Variants in HMG20B observed in about 807,000 individuals in gnomAD.
HMG20B encodes SWI/SNF-related matrix-associated actin-dependent regulator of chromatin subfamily E member 1-related.
HMG20B carries 24 observed loss-of-function variants against 41.6 expected under a neutral mutation model. That is an observed-to-expected ratio of 0.58 (90% CI 0.42 to 0.81). The LOEUF is 0.81. HMG20B is among the 30% of genes least tolerant of loss of function. The pLI is 0.00. For synonymous variants in HMG20B, 251 were observed against 186.6 expected (o/e 1.34, Z -2.81); for missense variants, 461 against 444.0 (o/e 1.04, Z -0.34).
intron 4 of HMG20B, 98 bp downstream of exon 4, chr19:3,574,684 T>A: frequency 8.5e-7 from 1 of 1,171,974 alleles, no homozygotes; most frequent in Non-Finnish European, 1.2e-6. Flanking sequence ...GGTTTTTCCT[T>A]CTTCCTGGAG....
intron 8 of HMG20B, 147 bp downstream of exon 8, chr19:3,577,254 G>A: frequency 1.7e-6 from 1 of 604,774 alleles, no homozygotes; most frequent in Non-Finnish European, 2.8e-6. Context: ...CCCGCCTATC[G>A]CCCCGCCCTC....
rs1238096984 is a variant in HMG20B at position 3,574,667 on chromosome 19, C to T, written c.351+81C>T. Reference sequence around the variant, plus strand: ...TAGCCCCGACCCCCAAAGGATTCCACGTGCAGGGTTTTTCCTTCTTCCTGG... The same window carrying T: ...TAGCCCCGACCCCCAAAGGATTCCATGTGCAGGGTTTTTCCTTCTTCCTGG... On this transcript the variant is annotated intron_variant, in intron 4 of 9. Coordinates refer to ENST00000333651, the MANE Select transcript of HMG20B (RefSeq NM_006339.3). 40 of 1,272,706 alleles carry T rather than the reference C, an allele frequency of 3.1e-5. No individual in the cohort carries two copies. The Admixed American group carries it at 7.3e-4, about 23-fold the overall frequency. The allele number at this position is 1,272,706 out of a possible 1,614,324, so 78.8% of individuals were successfully genotyped here.
At chr19:3,578,264 T>C (rs2032216991) in intron 9 of HMG20B, 151 bp downstream of exon 9, 1 of 1,212,588 alleles carries the variant, frequency 8.2e-7, no homozygotes, top group Non-Finnish European at 1.1e-6. Context: ...TCGCCCCTGA[T>C]GCACCAGTGC....
rs769089578 is a variant in HMG20B at position 3,578,705 on chromosome 19, C to T, written c.*184C>T. On this transcript the variant is annotated 3_prime_UTR_variant, in exon 10 of 10. Transcript: ENST00000333651. ...CTTTAGCTTTCAATCTCCCCAGCCC[C>T]CTGAACCCGGAAAAAGCACTCGCTG... 8.1e-6 allele frequency: 7 copies of T among 860,626 alleles called. No individual in the cohort carries two copies. Among genetic ancestry groups the T allele is most frequent in the Middle Eastern group, 2.1e-4 (1 of 4,702 alleles). 53.3% of individuals were successfully genotyped at this position (860,626 alleles called of 1,614,324 possible).
chr19:3,573,949 C>T (rs1380073302), intron 3 of HMG20B, 149 bp downstream of exon 3: 3 of 775,826 alleles, frequency 3.9e-6, no homozygotes, highest in African/African-American at 1.7e-5. Context: ...CCAGCTGCCA[C>T]GCCCCTGACA....
rs772065582 is a variant in HMG20B, at chr19:3,574,499, C to G, written c.264C>G (p.Ile88Met). 4 of 1,606,700 alleles carry G rather than the reference C, an allele frequency of 2.5e-6. No homozygotes were observed. The highest frequency in any genetic ancestry group is 2.2e-5 in the South Asian group (2 of 90,094). Residue 88 changes from isoleucine (I) to methionine (M), a missense_variant, in exon 4 of 10, where the codon ATC (isoleucine) becomes ATG (methionine). Around this residue, in one of 3 missense-constraint regions of HMG20B, gnomAD observed 49 missense variants for 84.1 expected, o/e 0.58. Coordinates refer to ENST00000333651, the MANE Select transcript of HMG20B (RefSeq NM_006339.3). ...VRFLNERREQ[I>M]RTRHPDLPFP... is the part of the protein sequence containing the mutation. The stretch of plus-strand genomic sequence containing the variant: ...TCCTGAACGAGCGGCGCGAGCAGAT[C>G]CGCACGCGCCACCCGGATCTGCCCT...
chr19:3,576,292 C>G lies in HMG20B; in HGVS notation c.504C>G (p.Leu168=). The part of the protein sequence containing the change: ...EDSSSGLMNT[L]LNGHKGGDCD... ...CGAGCTCTGGGCTCATGAACACTCT[C>G]CTGAATGGACACAAGGTAAGCGACC... Residue 168 remains leucine, a synonymous_variant, in exon 6 of 10, where the codon CTC becomes CTG. Transcript: ENST00000333651. 3 of 1,612,846 alleles carry G rather than the reference C, an allele frequency of 1.9e-6. No homozygotes were observed. The highest frequency in any genetic ancestry group is 2.2e-5 in the South Asian group (2 of 91,050).
At chr19:3,573,388 C>A in intron 2 of HMG20B, 41 bp downstream of exon 2, 1 of 1,494,338 alleles carries the variant, frequency 6.7e-7, no homozygotes, top group East Asian at 2.7e-5. Flanking sequence ...CGCTACTTTC[C>A]CGGCTGCAGC....
intron 5 of HMG20B, 49 bp from the exon 6 acceptor site, chr19:3,576,212 G>A: frequency 6.3e-7 from 1 of 1,579,592 alleles, no homozygotes; most frequent in Non-Finnish European, 8.7e-7. Context: ...GCAGGGCGTG[G>A]TCCCTGGAGG....
intron 2 of HMG20B, 121 bp from the exon 3 acceptor site, chr19:3,573,571 C>T (rs1326718253): frequency 8.1e-6 from 8 of 984,244 alleles, no homozygotes; most frequent in Non-Finnish European, 1.1e-5. Flanking sequence ...CAGACCCTGC[C>T]TCCTCGGGCT....
rs2032144694 is a variant in HMG20B at position 3,575,747 on chromosome 19, G to A, written c.472+87G>A. On this transcript the variant is annotated intron_variant, in intron 5 of 9. Coordinates refer to ENST00000333651, the MANE Select transcript of HMG20B (RefSeq NM_006339.3). ...GGGTGTATCACCTGAGGTCAGACCA[G>A]CCTGGCCAACATAGTGAAACCCTCC... 4 of 1,184,634 alleles carry A rather than the reference G, an allele frequency of 3.4e-6. No homozygotes were observed. In the South Asian group the frequency reaches 5.5e-5, roughly 16 times the overall value. 73.4% of individuals were successfully genotyped at this position (1,184,634 alleles called of 1,614,324 possible).
Position 3,578,085 on chromosome 19 carries a change from A to T in HMG20B, c.913A>T (p.Ile305Phe), listed in dbSNP as rs1252798255. The T allele has an allele frequency of 6.2e-7, 1 of 1,611,374 alleles. No homozygotes were observed. The highest frequency in any genetic ancestry group is 8.5e-7 in the Non-Finnish European group (1 of 1,179,462). Residue 305 changes from isoleucine to phenylalanine, a missense_variant, in exon 9 of 10, where the codon ATC (isoleucine) becomes TTC (phenylalanine). Around this residue, in one of 3 missense-constraint regions of HMG20B, gnomAD observed 308 missense variants for 283.4 expected, o/e 1.09. Coordinates refer to ENST00000333651, the MANE Select transcript of HMG20B (RefSeq NM_006339.3). ...PAQHEKLIVR[I>F]KEILAQVASE... ...CCAGCACGAGAAGCTCATCGTCCGC[A>T]TCAAGGAAATCCTGGCCCAGGTCGC...
rs1257783742 is a variant in HMG20B, at chr19:3,573,302, G to A, written c.-8G>A. On this transcript the variant is annotated 5_prime_UTR_variant, in exon 2 of 10. Transcript: ENST00000333651. ...GCGTCCGTGTTCCAGGTCCGGCCCG[G>A]AGCGGCCATGTCCCACGGCCCCAAG... 2.6e-6 allele frequency: 4 copies of A among 1,524,544 alleles called. No homozygotes were observed. The highest frequency in any genetic ancestry group is 1.2e-5 in the South Asian group (1 of 82,698). The allele number at this position is 1,524,544 out of a possible 1,614,324, so 94.4% of individuals were successfully genotyped here.
intron 3 of HMG20B, 95 bp from the exon 4 acceptor site, chr19:3,574,288 T>TC: frequency 4.3e-5 from 17 of 394,748 alleles, no homozygotes; most frequent in South Asian, 8.7e-5. Flanking sequence ...CCCGCCCCCA[T>TC]CCCCGCCCAT....
At chr19:3,578,281 G>A (rs1178073365) in intron 9 of HMG20B, 168 bp downstream of exon 9, 6 of 1,150,724 alleles carry the variant, frequency 5.2e-6, no homozygotes, top group African/African-American at 1.6e-5. Flanking sequence ...GTGCTAGGAT[G>A]GCCATGGAGA....
rs866772568 is a variant in HMG20B, at chr19:3,573,576, C to T, written c.39-116C>T. 4 of 1,015,346 alleles carry T rather than the reference C, an allele frequency of 3.9e-6. No homozygotes were observed. In the Middle Eastern group the frequency reaches 1.1e-3, roughly 287 times the overall value. 62.9% of individuals were successfully genotyped at this position (1,015,346 alleles called of 1,614,324 possible). A position where few individuals can be genotyped will look rare whatever the true frequency, so the allele number is the denominator to read the frequency against. On this transcript the variant is annotated intron_variant, in intron 2 of 9. Coordinates refer to ENST00000333651, the MANE Select transcript of HMG20B (RefSeq NM_006339.3). Reference sequence around the variant, plus strand: ...CTGACCCCATCAGACCCTGCCTCCTCGGGCTCATGCACTCTCGCTGCAGCC... The same window carrying T: ...CTGACCCCATCAGACCCTGCCTCCTTGGGCTCATGCACTCTCGCTGCAGCC...
Position 3,576,321 on chromosome 19 carries a change from T to C in HMG20B, c.519+14T>C, listed in dbSNP as rs201729575. On this transcript the variant is annotated intron_variant, in intron 6 of 9. Coordinates refer to ENST00000333651, the MANE Select transcript of HMG20B (RefSeq NM_006339.3). ...AATGGACACAAGGTAAGCGACCTTC[T>C]TCCTCTCAAAGCACCTGGGGGAGAA... is the stretch of plus-strand genomic sequence containing the variant. 7.2e-7 allele frequency: 1 copy of C among 1,390,264 alleles called. No homozygotes were observed. Among genetic ancestry groups the C allele is most frequent in the Non-Finnish European group, 1.0e-6 (1 of 984,080 alleles). 86.1% of individuals were successfully genotyped at this position (1,390,264 alleles called of 1,614,324 possible).
At chr19:3,577,162 T>TC (rs780938277) in intron 8 of HMG20B, 55 bp downstream of exon 8, 1,115 of 963,378 alleles carry the variant, frequency 1.2e-3, no homozygotes, top group Admixed American at 7.6e-3. Context: ...CCCGCCCGCC[T>TC]CCCCCCCCCT....
intron 1 of HMG20B, 98 bp from the exon 2 acceptor site, chr19:3,573,194 C>T: frequency 1.0e-6 from 1 of 999,428 alleles, no homozygotes; most frequent in Non-Finnish European, 1.4e-6. Context: ...CGCTCCGGGC[C>T]CGGCATCCCG....
Sources: allele counts gnomAD v4.1 joint callset, GRCh38; gene constraint gnomAD v4.1.1; regional missense constraint gnomAD v4.1.1; transcripts MANE v1.5; gene names NCBI Gene and HGNC (gene_info 2026-07-23, HGNC 2026-07-21).